PDE3A: variants seen among roughly 807,000 people sequenced by gnomAD.
PDE3A encodes cGMP-inhibited 3',5'-cyclic phosphodiesterase 3A.
Under a neutral mutation model 98.3 loss-of-function variants are expected in PDE3A, and 43 were observed. The observed-to-expected ratio is 0.44, with a 90% confidence interval of 0.34 to 0.56. The LOEUF (loss-of-function observed/expected upper bound fraction) is 0.56. Ranked by LOEUF, PDE3A falls within the 20% of genes least tolerant of loss-of-function variation. PDE3A has a pLI of 0.01. For missense variants in PDE3A, 1,427 were observed against 1,440.7 expected (o/e 0.99, Z 0.15); for synonymous variants, 663 against 567.9 (o/e 1.17, Z -2.38).
rs1245732638 is a variant in PDE3A at position 20,685,527 on chromosome 12, C to A, written c.*5256C>A. Among the ~76,000 whole-genome samples the A allele has an allele frequency of 6.6e-6, 1 of 150,488 alleles. No individual in the cohort carries two copies. Among genetic ancestry groups the A allele is most frequent in the African/African-American group, 2.4e-5 (1 of 40,826 alleles). On this transcript the variant is annotated 3_prime_UTR_variant, in exon 16 of 16. Transcript: ENST00000359062. ...GTGTTTACCTGCTGATTCAAAAATA[C>A]TGACCTAGTATCAGTGTAGGTAAGA... is the stretch of plus-strand genomic sequence containing the variant.
rs537094654 is a variant in PDE3A at position 20,681,713 on chromosome 12, GA to G, written c.*1445del. The G allele has an allele frequency of 1.2e-3, 184 of 152,094 alleles. No individual in the cohort carries two copies. Among genetic ancestry groups the G allele is most frequent in the African/African-American group, 4.2e-3 (173 of 41,514 alleles). The allele number at this position is 152,094 out of a possible 1,614,324, so 9.4% of individuals were successfully genotyped here. On this transcript the variant is annotated 3_prime_UTR_variant, in exon 16 of 16. Transcript: ENST00000359062. ...ATTGTTTGAAGATTGGGTTATTATTGAAAGTCTTTTTTTTTGTTTGTTTTGT... is the reference window on the plus strand; with the variant it reads ...ATTGTTTGAAGATTGGGTTATTATTGAAGTCTTTTTTTTTGTTTGTTTTGT...
chr12:20,443,471 G>T (rs1274813319), intron 1 of PDE3A, among the ~76,000 whole-genome samples: 1 of 152,120 alleles, frequency 6.6e-6, no homozygotes, highest in Non-Finnish European at 1.5e-5. Flanking sequence ...GACTGTCAGT[G>T]TGACTGAGGA....
chr12:20,436,307 G>A (rs1944778268), intron 1 of PDE3A, among the ~76,000 whole-genome samples: 2 of 152,052 alleles, frequency 1.3e-5, no homozygotes, highest in Admixed American at 6.5e-5. Context: ...CGGGGGATTG[G>A]GTGGGGGAGA....
intron 5 of PDE3A, among the ~76,000 whole-genome samples, chr12:20,627,583 C>A (rs1322017305): frequency 1.3e-5 from 2 of 151,902 alleles, no homozygotes; most frequent in Non-Finnish European, 2.9e-5. Flanking sequence ...CCTTTCCCAG[C>A]CAGAGAGGCC....
intron 14 of PDE3A, among the ~76,000 whole-genome samples, 197 bp downstream of exon 14, chr12:20,650,797 T>C (rs1327297284): frequency 7.1e-6 from 1 of 140,376 alleles, no homozygotes; most frequent in African/African-American, 2.6e-5. Context: ...CATAGAACTC[T>C]ATGATAAAAG....
intron 1 of PDE3A, among the ~76,000 whole-genome samples, chr12:20,400,564 G>A (rs929449035): frequency 5.9e-5 from 9 of 151,838 alleles, no homozygotes; most frequent in Non-Finnish European, 1.0e-4. Context: ...CCGCCACTGC[G>A]CCCGTGACCG....
chr12:20,641,714 G>A (rs914353206), intron 10 of PDE3A, among the ~76,000 whole-genome samples: 12 of 151,978 alleles, frequency 7.9e-5, no homozygotes. Context: ...TAAGTTTTCA[G>A]ATTCTAAGAT....
In PDE3A at chr12:20,686,522, A is replaced by AT. The variant is rs1411038637; in HGVS notation, c.*6252dup. 6.6e-6 allele frequency among the ~76,000 whole-genome samples: 1 copy of AT among 152,160 alleles called. No individual in the cohort carries two copies. The highest frequency in any genetic ancestry group is 1.5e-5 in the Non-Finnish European group (1 of 68,010). On this transcript the variant is annotated 3_prime_UTR_variant, in exon 16 of 16. Coordinates refer to ENST00000359062, the MANE Select transcript of PDE3A (RefSeq NM_000921.5). The stretch of plus-strand genomic sequence containing the variant: ...GTAGGTTAGAATTTGAAATTCATTA[A>AT]TAAAAAATTAATAACAAAACTTTGT...
At chr12:20,526,854 T>A (rs376413744) in intron 1 of PDE3A, among the ~76,000 whole-genome samples, 2 of 151,772 alleles carry the variant, frequency 1.3e-5, no homozygotes, top group African/African-American at 4.8e-5. Flanking sequence ...AACATCTTCA[T>A]GTTTTAAGGC....
At chr12:20,381,221 G>A (rs1943657717) in intron 1 of PDE3A, among the ~76,000 whole-genome samples, 1 of 151,800 alleles carries the variant, frequency 6.6e-6, no homozygotes, top group Non-Finnish European at 1.5e-5. Flanking sequence ...TAAAAAGTGT[G>A]AGAATTAGAT....
At chr12:20,559,395 T>A (rs1046924750) in intron 2 of PDE3A, among the ~76,000 whole-genome samples, 5 of 151,814 alleles carry the variant, frequency 3.3e-5, no homozygotes, top group Non-Finnish European at 4.4e-5. Flanking sequence ...ATATATATAT[T>A]GGGAGGCCGA....
intron 1 of PDE3A, among the ~76,000 whole-genome samples, chr12:20,497,386 T>C (rs1221997714): frequency 6.6e-6 from 1 of 151,706 alleles, no homozygotes; most frequent in South Asian, 2.1e-4. Flanking sequence ...AATGAGTTCT[T>C]CATAATCTCT....
intron 6 of PDE3A, among the ~76,000 whole-genome samples, chr12:20,632,116 C>T (rs1944394012): frequency 6.6e-6 from 1 of 152,168 alleles, no homozygotes; most frequent in South Asian, 2.1e-4. Context: ...CTAATAAACT[C>T]GACTTCTCCT....
At chr12:20,601,357 G>C (rs1002481361) in intron 2 of PDE3A, among the ~76,000 whole-genome samples, 2 of 152,132 alleles carry the variant, frequency 1.3e-5, no homozygotes, top group African/African-American at 4.8e-5. Context: ...TCCTGAAGCA[G>C]TCAGGGAAGA....
chr12:20,541,216 C>A (rs1941899886), intron 1 of PDE3A, among the ~76,000 whole-genome samples: 1 of 147,896 alleles, frequency 6.8e-6, no homozygotes, highest in Non-Finnish European at 1.5e-5. Context: ...CTTGCCTCAG[C>A]ATCTAGAATA....
intron 1 of PDE3A, among the ~76,000 whole-genome samples, chr12:20,464,743 G>A (rs1034798669): frequency 6.6e-6 from 1 of 152,110 alleles, no homozygotes; most frequent in Admixed American, 6.6e-5. Flanking sequence ...TTGCTGACGT[G>A]GGATTGAATA....
chr12:20,412,593 G>A (rs953640256), intron 1 of PDE3A, among the ~76,000 whole-genome samples: 40 of 152,108 alleles, frequency 2.6e-4, no homozygotes, highest in Non-Finnish European at 1.5e-5. Flanking sequence ...TTGGCAATAG[G>A]ATTTAGAATG....
chr12:20,437,085 C>A (rs12309205), intron 1 of PDE3A, among the ~76,000 whole-genome samples: 2 of 151,420 alleles, frequency 1.3e-5, no homozygotes, highest in African/African-American at 2.4e-5. Context: ...GTGCCCTTGA[C>A]GCTATCTGAT....
chr12:20,602,769 C>A (rs1943622411), intron 2 of PDE3A, among the ~76,000 whole-genome samples: 1 of 152,172 alleles, frequency 6.6e-6, no homozygotes, highest in Non-Finnish European at 1.5e-5. Flanking sequence ...ACATCTGCTT[C>A]CTTAGGATGG....
Sources: allele counts gnomAD v4.1 joint callset (sites outside exome capture counted in the v4.1 genomes callset), GRCh38; gene constraint gnomAD v4.1.1; transcripts MANE v1.5; gene names NCBI Gene and HGNC (gene_info 2026-07-23, HGNC 2026-07-21).